MPHOSPH10: variants seen among roughly 807,000 people sequenced by gnomAD.
MPHOSPH10 encodes the protein M-phase phosphoprotein 10, also known as U3 small nucleolar ribonucleoprotein MPP10.
A neutral mutation model predicts 77.3 loss-of-function variants in MPHOSPH10; 33 were observed. The observed-to-expected ratio is 0.43, with a 90% CI of 0.32 to 0.57. The LOEUF (loss-of-function observed/expected upper bound fraction) is 0.57, where lower values mean the gene tolerates loss of function less well. MPHOSPH10 is among the 20% of genes least tolerant of loss of function. MPHOSPH10 has a pLI of 0.07. For missense variants in MPHOSPH10, 708 were observed against 780.1 expected, an observed-to-expected ratio of 0.91 and a Z score of 1.10; for synonymous variants, 245 against 268.0, an observed-to-expected ratio of 0.91 and a Z score of 0.84.
intron 8 of MPHOSPH10, among the ~76,000 whole-genome samples, chr2:71,146,272 G>A (rs1001042254): frequency 2.0e-5 from 3 of 150,832 alleles, no homozygotes; most frequent in South Asian, 4.2e-4. Flanking sequence ...TCATGTTCAG[G>A]TTGGTATTTC....
intron 8 of MPHOSPH10, among the ~76,000 whole-genome samples, chr2:71,147,320 G>A (rs1423950728): frequency 6.6e-6 from 1 of 152,192 alleles, no homozygotes; most frequent in Non-Finnish European, 1.5e-5. Context: ...ATGGTAGATA[G>A]GAATAGTTGA....
At chr2:71,139,510 AAG>A (rs1339185237) in intron 5 of MPHOSPH10, 1 of 218,174 alleles carries the variant, frequency 4.6e-6, no homozygotes, top group African/African-American at 2.3e-5. Context: ...GAGAATGGAA[AAG>A]AGGGGAAGAG....
intron 1 of MPHOSPH10, 131 bp downstream of exon 1, chr2:71,130,885 A>T: frequency 2.4e-6 from 2 of 824,738 alleles, no homozygotes; most frequent in Non-Finnish European, 3.7e-6. Context: ...CAAATTTCAG[A>T]GTTTATGCTT....
At position 71,133,533 on chromosome 2, in the gene MPHOSPH10, C is replaced by G; in HGVS notation, c.725C>G (p.Ser242Cys). 2 of 1,609,846 alleles carry G rather than the reference C, an allele frequency of 1.2e-6. No homozygotes were observed. Among genetic ancestry groups the G allele is most frequent in the Admixed American group, 1.7e-5 (1 of 59,152 alleles). Residue 242 changes from serine (S) to cysteine (C), a missense_variant, in exon 2 of 11, where the codon TCT becomes TGT. Ser to Cys is a moderately radical substitution (Grantham distance 112). Transcript: ENST00000244230. ...EDIDFFEDID[S>C]DEDEGGLFGS... ...ATTGATTTTTTTGAAGATATTGATT[C>G]TGATGAAGATGAAGGGGGACTGTTT...
At chr2:71,138,326 G>A (rs549224021) in intron 4 of MPHOSPH10, among the ~76,000 whole-genome samples, 164 bp from the exon 5 acceptor site, 2 of 152,260 alleles carry the variant, frequency 1.3e-5, no homozygotes, top group South Asian at 2.1e-4. Flanking sequence ...CCCCACCATA[G>A]GCAGCAGAAA....
At chr2:71,134,211 A>G (rs1673442869) in intron 3 of MPHOSPH10, 106 bp downstream of exon 3, 2 of 1,085,674 alleles carry the variant, frequency 1.8e-6, no homozygotes, top group South Asian at 2.0e-5. Context: ...CTATTCTCTA[A>G]TATCAGATAT....
intron 8 of MPHOSPH10, among the ~76,000 whole-genome samples, chr2:71,145,148 G>T (rs1462826964): frequency 6.6e-6 from 1 of 152,174 alleles, no homozygotes; most frequent in Non-Finnish European, 1.5e-5. Context: ...CTGTCACCCA[G>T]ACTTGGCTCT....
At chr2:71,134,405 T>C (rs1673446634) in intron 3 of MPHOSPH10, among the ~76,000 whole-genome samples, 1 of 152,226 alleles carries the variant, frequency 6.6e-6, no homozygotes, top group South Asian at 2.1e-4. Context: ...TGATGAATAA[T>C]TTATTTTCTA....
At chr2:71,149,585 C>A in intron 10 of MPHOSPH10, 132 bp downstream of exon 10, 1 of 869,750 alleles carries the variant, frequency 1.1e-6, no homozygotes. Flanking sequence ...TGCTGACTGG[C>A]TGGAATCGCA....
intron 7 of MPHOSPH10, among the ~76,000 whole-genome samples, chr2:71,143,167 G>T (rs1370004762): frequency 6.7e-6 from 1 of 149,756 alleles, no homozygotes; most frequent in African/African-American, 2.5e-5. Flanking sequence ...TTTTGAGACG[G>T]AGTCTTGCTC....
chr2:71,145,937 A>G (rs1190520620), intron 8 of MPHOSPH10, among the ~76,000 whole-genome samples: 3 of 152,074 alleles, frequency 2.0e-5, no homozygotes, highest in African/African-American at 7.2e-5. Flanking sequence ...CTCCTTACCT[A>G]GGGTAGACTC....
intron 4 of MPHOSPH10, among the ~76,000 whole-genome samples, chr2:71,135,222 C>T (rs968118204): frequency 6.6e-6 from 1 of 151,886 alleles, no homozygotes; most frequent in African/African-American, 2.4e-5. Flanking sequence ...AAAATCAGTG[C>T]CTGCATTTCA....
Position 71,134,763 on chromosome 2 carries a change from A to C in MPHOSPH10, c.1064A>C (p.Glu355Ala), listed in dbSNP as rs769854018. 1.2e-5 allele frequency: 20 copies of C among 1,600,012 alleles called. No individual in the cohort carries two copies. The African/African-American group carries it at 2.7e-4, about 22-fold the overall frequency. Residue 355 changes from glutamate (E) to alanine (A), a missense_variant, in exon 4 of 11, where the codon GAA (glutamate) becomes GCA (alanine). Physicochemically the swap from Glu to Ala is moderately radical, Grantham distance 107. Transcript: ENST00000244230. ...GVLNVKKNSD[E>A]VKSSFEKRQE... Reference sequence around the variant, plus strand: ...TTAAATGTAAAGAAAAATTCTGATGAAGTTAAATCCTCCTTTGAAAAAAGA... The same window carrying C: ...TTAAATGTAAAGAAAAATTCTGATGCAGTTAAATCCTCCTTTGAAAAAAGA...
intron 7 of MPHOSPH10, among the ~76,000 whole-genome samples, chr2:71,142,061 G>A (rs546278088): frequency 1.1e-4 from 17 of 152,130 alleles, no homozygotes; most frequent in African/African-American, 4.1e-4. Context: ...GGAAGAAATC[G>A]CTGGTTAAAT....
intron 7 of MPHOSPH10, among the ~76,000 whole-genome samples, chr2:71,143,421 G>A (rs1447718419): frequency 2.6e-5 from 4 of 151,986 alleles, no homozygotes; most frequent in East Asian, 1.9e-4. Context: ...ATGAGCCACC[G>A]CGCCCAGCCA....
At chr2:71,139,725 T>G in intron 5 of MPHOSPH10, 70 bp from the exon 6 acceptor site, 1 of 1,082,970 alleles carries the variant, frequency 9.2e-7, no homozygotes, top group Non-Finnish European at 1.4e-6. Flanking sequence ...ATGCTGTGGG[T>G]CCAAGGACTG....
chr2:71,147,316 G>GAT (rs1673734794), intron 8 of MPHOSPH10, among the ~76,000 whole-genome samples: 1 of 152,174 alleles, frequency 6.6e-6, no homozygotes, highest in African/African-American at 2.4e-5. Context: ...ATGCATGGTA[G>GAT]ATAGGAATAG....
intron 9 of MPHOSPH10, 87 bp downstream of exon 9, chr2:71,148,193 G>A: frequency 8.7e-7 from 1 of 1,148,056 alleles, no homozygotes; most frequent in Non-Finnish European, 1.3e-6. Context: ...CATTTGCCTT[G>A]CACTTGTAGT....
intron 4 of MPHOSPH10, among the ~76,000 whole-genome samples, chr2:71,137,705 T>C (rs1673524815): frequency 6.7e-6 from 1 of 150,296 alleles, no homozygotes; most frequent in South Asian, 2.1e-4. Flanking sequence ...GATGTATTTA[T>C]ATTCCACTAA....
Sources: allele counts gnomAD v4.1 joint callset (sites outside exome capture counted in the v4.1 genomes callset), GRCh38; gene constraint gnomAD v4.1.1; transcripts MANE v1.5; gene names NCBI Gene and HGNC (gene_info 2026-07-23, HGNC 2026-07-21).